Variants in MSR1 observed in about 807,000 individuals in gnomAD.
The protein encoded by MSR1 is macrophage scavenger receptor types I and II.
Under a neutral mutation model 47.2 loss-of-function variants are expected in MSR1, and 53 were observed. The observed-to-expected ratio is 1.12, with a 90% CI of 0.90 to 1.41. The LOEUF is 1.41. Ranked by LOEUF, MSR1 falls within the 40% of genes most tolerant of loss-of-function variation. The pLI is 0.00. For synonymous variants in MSR1, 239 were observed against 185.6 expected, an observed-to-expected ratio of 1.29 and a Z score of -2.34; for missense variants, 786 against 546.9, an observed-to-expected ratio of 1.44 and a Z score of -4.36.
intron 4 of MSR1, among the ~76,000 whole-genome samples, chr8:16,164,935 A>G (rs1304647711): frequency 6.6e-6 from 1 of 152,188 alleles, no homozygotes; most frequent in East Asian, 1.9e-4. Context: ...ATTTTACTCA[A>G]TAATATATTA....
rs571097601 is a variant in MSR1, at chr8:16,172,510, T to C, written c.217+2677A>G. Among the ~76,000 whole-genome samples, 5 of 152,282 alleles carry C rather than the reference T, an allele frequency of 3.3e-5. No homozygotes were observed. In the South Asian group the frequency reaches 1.0e-3, roughly 32 times the overall value. On this transcript the variant is annotated intron_variant, in intron 3 of 9. Transcript: ENST00000262101. ...GATGGCATTTTGTGACTTTTCTGTTTCACATATGAAAGGAGACAGAATTTT... is the reference window on the plus strand; with the variant it reads ...GATGGCATTTTGTGACTTTTCTGTTCCACATATGAAAGGAGACAGAATTTT...
At chr8:16,162,540 A>G (rs1801190738) in intron 5 of MSR1, among the ~76,000 whole-genome samples, 1 of 152,026 alleles carries the variant, frequency 6.6e-6, no homozygotes, top group South Asian at 2.1e-4. Context: ...AGGGTTAAAT[A>G]ATTTACCAAG....
intron 8 of MSR1, among the ~76,000 whole-genome samples, chr8:16,126,414 A>G (rs955484715): frequency 1.3e-5 from 2 of 152,102 alleles, no homozygotes; most frequent in Non-Finnish European, 2.9e-5. Flanking sequence ...TTAGGGTTAA[A>G]TTTATTACAA....
intron 1 of MSR1, among the ~76,000 whole-genome samples, chr8:16,192,372 T>C (rs2116961959): frequency 6.6e-6 from 1 of 152,262 alleles, no homozygotes; most frequent in East Asian, 1.9e-4. Context: ...AACATATATG[T>C]TTTTCACTCA....
At chr8:16,174,098 A>T (rs1369525121) in intron 3 of MSR1, among the ~76,000 whole-genome samples, 2 of 152,140 alleles carry the variant, frequency 1.3e-5, no homozygotes, top group Non-Finnish European at 2.9e-5. Context: ...TTATGTGGAT[A>T]ATGAGAATAA....
intron 8 of MSR1, among the ~76,000 whole-genome samples, chr8:16,131,160 T>A (rs1403322263): frequency 6.6e-6 from 1 of 152,120 alleles, no homozygotes; most frequent in East Asian, 1.9e-4. Flanking sequence ...ATTTTTTGAC[T>A]TTTTAATAAA....
chr8:16,108,878 G>T lies in MSR1; in HGVS notation c.*1207C>A, dbSNP rs1194423720. The T allele has an allele frequency of 6.6e-6, 1 of 152,098 alleles. No homozygotes were observed. The highest frequency in any genetic ancestry group is 1.5e-5 in the Non-Finnish European group (1 of 67,998). 9.4% of individuals were successfully genotyped at this position (152,098 alleles called of 1,614,324 possible). On this transcript the variant is annotated 3_prime_UTR_variant, in exon 10 of 10. Coordinates refer to ENST00000262101, the MANE Select transcript of MSR1 (RefSeq NM_138715.3). The stretch of plus-strand genomic sequence containing the variant: ...TGCCACTATTAAAGAAAGAACAGTA[G>T]AGTAATTCCATAATAGTACTAGTTT...
intron 8 of MSR1, among the ~76,000 whole-genome samples, chr8:16,136,152 TG>T (rs1442364253): frequency 1.3e-5 from 2 of 152,144 alleles, no homozygotes; most frequent in Non-Finnish European, 2.9e-5. Flanking sequence ...AGTTCTAAAG[TG>T]GGTCAATGCT....
At chr8:16,140,892 G>A in intron 8 of MSR1, 1 of 1,608,626 alleles carries the variant, frequency 6.2e-7, no homozygotes, top group Non-Finnish European at 8.5e-7. Flanking sequence ...AAGTCATTTG[G>A]AGGAGTCACA....
chr8:16,173,580 G>T (rs75033003), intron 3 of MSR1, among the ~76,000 whole-genome samples: 7,223 of 152,220 alleles, frequency 0.047, 504 homozygotes, highest in African/African-American at 0.15. Flanking sequence ...TTGTTTTAGT[G>T]TATTTTTAAT....
chr8:16,126,314 GA>G (rs1477644951), intron 8 of MSR1, among the ~76,000 whole-genome samples: 1 of 152,080 alleles, frequency 6.6e-6, no homozygotes, highest in Non-Finnish European at 1.5e-5. Flanking sequence ...ATCGAACATA[GA>G]AATGACTTTT....
chr8:16,155,328 T>C (rs1800975842), intron 5 of MSR1, among the ~76,000 whole-genome samples, 184 bp from the exon 6 acceptor site: 2 of 151,984 alleles, frequency 1.3e-5, no homozygotes, highest in African/African-American at 4.8e-5. Context: ...TAATGCCCTA[T>C]ACTAATGAGG....
At chr8:16,156,355 C>A (rs1401855032) in intron 5 of MSR1, among the ~76,000 whole-genome samples, 1 of 151,806 alleles carries the variant, frequency 6.6e-6, no homozygotes, top group Non-Finnish European at 1.5e-5. Flanking sequence ...AGAGGGGGAA[C>A]CACATAAATA....
intron 1 of MSR1, among the ~76,000 whole-genome samples, chr8:16,180,910 G>A (rs1801811167): frequency 6.6e-6 from 1 of 152,116 alleles, no homozygotes; most frequent in Admixed American, 6.6e-5. Flanking sequence ...TGTGGAGAAA[G>A]GGAATGAAGG....
chr8:16,127,800 A>G (rs765601524), intron 8 of MSR1, among the ~76,000 whole-genome samples: 18 of 152,172 alleles, frequency 1.2e-4, no homozygotes, highest in Admixed American at 1.3e-4. Flanking sequence ...GTAAACCAAT[A>G]GACTCTATTT....
intron 7 of MSR1, 69 bp downstream of exon 7, chr8:16,150,162 A>ATATG (rs1800812957): frequency 2.9e-5 from 8 of 277,820 alleles, no homozygotes; most frequent in African/African-American, 1.9e-4. Flanking sequence ...ATATATATAT[A>ATATG]TATATATATA....
chr8:16,158,723 G>T (rs1801079333), intron 5 of MSR1, among the ~76,000 whole-genome samples: 1 of 151,738 alleles, frequency 6.6e-6, no homozygotes, highest in African/African-American at 2.4e-5. Flanking sequence ...TTTATAGAGG[G>T]TCAGAGAGTG....
Position 16,178,005 on chromosome 8 carries a change from A to G in MSR1, c.-4-13T>C. 1 of 1,588,386 alleles carries G rather than the reference A, an allele frequency of 6.3e-7. No individual in the cohort carries two copies. The highest frequency in any genetic ancestry group is 1.1e-5 in the South Asian group (1 of 90,348). On this transcript the variant is annotated splice_polypyrimidine_tract_variant and intron_variant, in intron 1 of 9. Transcript: ENST00000262101. ...CTGCTCCATACTTCTATGAAACAAA[A>G]TGGAAAAATATATTAATTCCACATG...
At chr8:16,187,966 A>G (rs1802051629) in intron 1 of MSR1, among the ~76,000 whole-genome samples, 1 of 152,182 alleles carries the variant, frequency 6.6e-6, no homozygotes, top group Non-Finnish European at 1.5e-5. Context: ...ATGAGCCTTC[A>G]TTAGCAGGCA....
Sources: gnomAD v4.1 joint callset for allele counts (sites outside exome capture counted in the v4.1 genomes callset) on GRCh38, gnomAD v4.1.1 for gene constraint, MANE v1.5 for transcripts, NCBI Gene and HGNC (gene_info 2026-07-23, HGNC 2026-07-21) for gene names.